HPSE: variants seen among roughly 807,000 people sequenced by gnomAD.
HPSE encodes the protein heparanase.
HPSE carries 48 observed loss-of-function variants against 65.1 expected under a neutral mutation model. That is an observed-to-expected ratio of 0.74 (90% CI 0.58 to 0.94). The LOEUF is 0.94. Among genes scored for constraint, HPSE ranks in the 40% least tolerant of loss-of-function variants. HPSE has a pLI of 0.00. For missense variants in HPSE, 644 were observed against 637.5 expected, an observed-to-expected ratio of 1.01 and a Z score of -0.11; for synonymous variants, 243 against 260.0, an observed-to-expected ratio of 0.93 and a Z score of 0.63.
intron 3 of HPSE, among the ~76,000 whole-genome samples, chr4:83,315,097 G>A (rs1434159836): frequency 6.6e-6 from 1 of 150,816 alleles, no homozygotes; most frequent in Non-Finnish European, 1.5e-5. Context: ...AGGTTGCAGT[G>A]AGCCGAGATT....
At chr4:83,324,937 A>G (rs7670729) in intron 1 of HPSE, among the ~76,000 whole-genome samples, 92,456 of 152,030 alleles carry the variant, frequency 0.61, 31,234 homozygotes, top group Non-Finnish European at 0.76. Context: ...TTTTGCCACA[A>G]TAAAATAAAT....
chr4:83,334,441 C>G, intron 1 of HPSE, 115 bp downstream of exon 1: 1 of 1,188,382 alleles, frequency 8.4e-7, no homozygotes, highest in East Asian at 2.6e-5. Flanking sequence ...GAGAGACAGG[C>G]GGGGAGGTTC....
Position 83,295,363 on chromosome 4 carries a change from T to C in HPSE, c.1613A>G (p.Lys538Arg). ...TTATTTTCAGATGCAAGCAGCAACTTTGGCATTTCTTATCACAAAAAAACT... is the reference window on the plus strand; with the variant it reads ...TTATTTTCAGATGCAAGCAGCAACTCTGGCATTTCTTATCACAAAAAAACT... ...SYSFFVIRNAKVAACI is the reference protein window; with the variant it reads ...SYSFFVIRNARVAACI The change falls in exon 12 of 12, where the codon AAA (lysine) becomes AGA (arginine). Residue 538 changes from lysine (K) to arginine (R), a missense_variant. Lys to Arg is a conservative substitution (Grantham distance 26, BLOSUM62 2). Transcript: ENST00000311412. 1.2e-6 allele frequency: 2 copies of C among 1,608,462 alleles called. No individual in the cohort carries two copies. Among genetic ancestry groups the C allele is most frequent in the Non-Finnish European group, 1.7e-6 (2 of 1,177,046 alleles).
chr4:83,295,015 A>T lies in HPSE; in HGVS notation c.*329T>A, dbSNP rs1010177022. 1 of 154,136 alleles carries T rather than the reference A, an allele frequency of 6.5e-6. No individual in the cohort carries two copies. Among genetic ancestry groups the T allele is most frequent in the Non-Finnish European group, 1.4e-5 (1 of 69,348 alleles). The allele number at this position is 154,136 out of a possible 1,614,324, so 9.5% of individuals were successfully genotyped here. A position where few individuals can be genotyped will look rare whatever the true frequency, so the allele number is the denominator to read the frequency against. On this transcript the variant is annotated 3_prime_UTR_variant, in exon 12 of 12. Transcript: ENST00000311412. ...AGTTGCAGTGAGCCAAGATCGCACC[A>T]TGGCACTCCAGCCTGGGTGACAGAG...
rs765856415 is a variant in HPSE, at chr4:83,302,270, T to C, written c.1207-2A>G. On this transcript the variant is annotated splice_acceptor_variant, in intron 9 of 11. Coordinates refer to ENST00000311412, the MANE Select transcript of HPSE (RefSeq NM_001098540.3). LOFTEE classifies it high-confidence loss of function. ...GAACAGAAGAGATAGCCAATAATCCTAGTTGTGGTGGTTGGGGAGAAAGAG... is the reference window on the plus strand; with the variant it reads ...GAACAGAAGAGATAGCCAATAATCCCAGTTGTGGTGGTTGGGGAGAAAGAG... 6.3e-7 allele frequency: 1 copy of C among 1,594,102 alleles called. No individual in the cohort carries two copies. Among genetic ancestry groups the C allele is most frequent in the Non-Finnish European group, 8.6e-7 (1 of 1,162,470 alleles).
intron 1 of HPSE, among the ~76,000 whole-genome samples, chr4:83,332,131 C>T (rs1737397782): frequency 6.6e-5 from 10 of 152,222 alleles, no homozygotes; most frequent in Admixed American, 6.5e-4. Context: ...CTTCAGCTTT[C>T]GTCTGCTCAG....
At chr4:83,304,165 AT>A (rs1381443653) in intron 9 of HPSE, among the ~76,000 whole-genome samples, 1 of 152,186 alleles carries the variant, frequency 6.6e-6, no homozygotes, top group East Asian at 1.9e-4. Context: ...AAGGAAAAGG[AT>A]TTTTAGTCTC....
At chr4:83,309,922 T>C in intron 6 of HPSE, 109 bp downstream of exon 6, 1 of 728,120 alleles carries the variant, frequency 1.4e-6, no homozygotes, top group Admixed American at 2.5e-5. Context: ...ATTTGTTTCT[T>C]ATTTGAACTG....
chr4:83,309,328 A>G (rs1248136219), intron 7 of HPSE, 74 bp downstream of exon 7: 2 of 783,718 alleles, frequency 2.6e-6, no homozygotes, highest in Non-Finnish European at 4.3e-6. Context: ...ATACATACCT[A>G]TAGAATTTAG....
In HPSE at chr4:83,322,229, T is replaced by C. The variant is rs1282980091; in HGVS notation, c.363A>G (p.Gln121=). The change falls in exon 2 of 12, where the codon CAA becomes CAG. Residue 121 remains glutamine, a synonymous_variant. Transcript: ENST00000311412. ...TFEERSYWQS[Q]VNQDICKYGS... ...TTTAAAAATTTTCACCCTGGTTGAC[T>C]TGAGATTGCCAGTAACTTCTCTCTT... 1 of 1,613,544 alleles carries C rather than the reference T, an allele frequency of 6.2e-7. No homozygotes were observed. The highest frequency in any genetic ancestry group is 1.1e-5 in the South Asian group (1 of 90,930).
intron 7 of HPSE, 131 bp downstream of exon 7, chr4:83,309,271 G>A: frequency 1.6e-6 from 1 of 623,850 alleles, no homozygotes; most frequent in Admixed American, 3.2e-5. Context: ...AACTAACAGT[G>A]GATAAGTCAT....
At chr4:83,318,641 C>A (rs6845904) in intron 3 of HPSE, among the ~76,000 whole-genome samples, 1 of 149,398 alleles carries the variant, frequency 6.7e-6, no homozygotes, top group Admixed American at 6.7e-5. Flanking sequence ...ACCTGGGAGG[C>A]GGAGGTTGCA....
rs980291637 is a variant in HPSE, at chr4:83,294,256, T to A, written c.*1088A>T. On this transcript the variant is annotated 3_prime_UTR_variant, in exon 12 of 12. Transcript: ENST00000311412. The stretch of plus-strand genomic sequence containing the variant: ...TTGTATTTTTTAGTAGAGATGGGGT[T>A]TCACCATGTTGGCCAGGCTGGTATC... 1 of 152,234 alleles carries A rather than the reference T, an allele frequency of 6.6e-6. No individual in the cohort carries two copies. The highest frequency in any genetic ancestry group is 1.5e-5 in the Non-Finnish European group (1 of 68,112). The allele number at this position is 152,234 out of a possible 1,614,324, so 9.4% of individuals were successfully genotyped here. A position where few individuals can be genotyped will look rare whatever the true frequency, so the allele number is the denominator to read the frequency against.
At chr4:83,297,558 G>A (rs766736682) in intron 11 of HPSE, among the ~76,000 whole-genome samples, 4 of 151,886 alleles carry the variant, frequency 2.6e-5, no homozygotes, top group Non-Finnish European at 4.4e-5. Context: ...TTATATATTT[G>A]TTTTCCTTAA....
intron 1 of HPSE, among the ~76,000 whole-genome samples, chr4:83,323,075 GA>G (rs1269192220): frequency 1.3e-5 from 2 of 151,964 alleles, no homozygotes; most frequent in East Asian, 3.9e-4. Flanking sequence ...GAAACTAAGG[GA>G]AAGACAGCTC....
At chr4:83,298,092 T>C (rs539576227) in intron 11 of HPSE, among the ~76,000 whole-genome samples, 1 of 152,320 alleles carries the variant, frequency 6.6e-6, no homozygotes, top group Non-Finnish European at 1.5e-5. Context: ...TACACATATA[T>C]CAAGGGTAAG....
rs763586173 is a variant in HPSE, at chr4:83,306,304, A to G, written c.1105T>C (p.Leu369=). The G allele has an allele frequency of 2.5e-6, 4 of 1,610,478 alleles. No individual in the cohort carries two copies. In the East Asian group the frequency reaches 8.9e-5, roughly 36 times the overall value. Residue 369 remains leucine, a synonymous_variant, in exon 9 of 12, where the codon TTG becomes CTG. Transcript: ENST00000311412. Reference sequence around the variant, plus strand: ...ATTCCCATTCGGGCTGACAGGCCCAATTTATCCAGCCACCTGGGACAGAGC... The same window carrying G: ...ATTCCCATTCGGGCTGACAGGCCCAGTTTATCCAGCCACCTGGGACAGAGC... ...FAAGFMWLDK[L]GLSARMGIEV...
Position 83,295,486 on chromosome 4 carries a change from C to A in HPSE, c.1490G>T (p.Gly497Val). The A allele has an allele frequency of 6.2e-7, 1 of 1,607,716 alleles. No individual in the cohort carries two copies. The highest frequency in any genetic ancestry group is 2.2e-5 in the East Asian group (1 of 44,708). The change falls in exon 12 of 12, where the codon GGT (glycine) becomes GTT (valine). Residue 497 changes from glycine to valine, a missense_variant. Coordinates refer to ENST00000311412, the MANE Select transcript of HPSE (RefSeq NM_001098540.3). The stretch of plus-strand genomic sequence containing the variant: ...ATCATCCACCATCTTTAGAGTTAGA[C>A]CATTGAGTTGGACAGATCTGCAAAG... ...GLLSKSVQLN[G>V]LTLKMVDDQT...
At chr4:83,328,620 G>A (rs1367199383) in intron 1 of HPSE, among the ~76,000 whole-genome samples, 2 of 152,228 alleles carry the variant, frequency 1.3e-5, no homozygotes, top group African/African-American at 4.8e-5. Context: ...ATGTCGGAGA[G>A]ATTGATTTTA....
Sources: allele counts gnomAD v4.1 joint callset (sites outside exome capture counted in the v4.1 genomes callset), GRCh38; gene constraint gnomAD v4.1.1; transcripts MANE v1.5; gene names NCBI Gene and HGNC (gene_info 2026-07-23, HGNC 2026-07-21).